The following CAMK4 variants were observed in gnomAD, a reference collection of about 807,000 sequenced individuals.
CAMK4 encodes the protein calcium/calmodulin dependent protein kinase IV.
In CAMK4, 22 loss-of-function variants were observed where a neutral mutation model predicts 44.9. The observed-to-expected ratio is 0.49, with a 90% CI of 0.35 to 0.70. The LOEUF is 0.70. CAMK4 is among the 30% of genes least tolerant of loss of function. CAMK4 has a pLI of 0.01. For missense variants in CAMK4, 498 were observed against 586.8 expected (o/e 0.85, Z 1.56); for synonymous variants, 218 against 215.4 (o/e 1.01, Z -0.11).
At chr5:111,410,757 T>C (rs1223411889) in intron 5 of CAMK4, among the ~76,000 whole-genome samples, 1 of 152,136 alleles carries the variant, frequency 6.6e-6, no homozygotes, top group Admixed American at 6.6e-5. Flanking sequence ...AATGAACAGT[T>C]CTCTGCGATA....
chr5:111,346,883 G>A (rs1177986049), intron 2 of CAMK4, among the ~76,000 whole-genome samples: 1 of 151,752 alleles, frequency 6.6e-6, no homozygotes, highest in Admixed American at 6.6e-5. Context: ...AGAAAGTGAG[G>A]CGTTTATTGC....
At chr5:111,479,689 A>C (rs1755364451) in intron 9 of CAMK4, among the ~76,000 whole-genome samples, 1 of 152,068 alleles carries the variant, frequency 6.6e-6, no homozygotes, top group African/African-American at 2.4e-5. Context: ...TTTTTTCTTC[A>C]AGCATTTCTT....
At chr5:111,328,364 G>A (rs57398792) in intron 1 of CAMK4, among the ~76,000 whole-genome samples, 1,638 of 151,592 alleles carry the variant, frequency 0.011, 16 homozygotes, top group African/African-American at 0.029. Context: ...TGTTCCATTG[G>A]TCTATATCTC....
rs536268505 is a variant in CAMK4, at chr5:111,230,838, T to G, written c.161+6194T>G. Among the ~76,000 whole-genome samples the G allele has an allele frequency of 4.3e-4, 63 of 146,872 alleles. 2 individuals are homozygous for G. The South Asian group carries it at 0.014, about 32-fold the overall frequency. On this transcript the variant is annotated intron_variant, in intron 1 of 10. Transcript: ENST00000282356. ...CTTTTTTTTTAAAAAAAATAAAGGG[T>G]TTTTTAAAAACTCTTTTGGGAAAGC...
intron 1 of CAMK4, among the ~76,000 whole-genome samples, chr5:111,332,473 C>G (rs1383245072): frequency 6.6e-6 from 1 of 151,338 alleles, no homozygotes; most frequent in African/African-American, 2.4e-5. Context: ...TTAATCCAGT[C>G]TATCATTGTT....
chr5:111,384,350 C>G (rs1751522719), intron 4 of CAMK4, among the ~76,000 whole-genome samples: 1 of 152,152 alleles, frequency 6.6e-6, no homozygotes, highest in Non-Finnish European at 1.5e-5. Context: ...TTTCAGCCGT[C>G]TCCCTCTTGA....
intron 1 of CAMK4, among the ~76,000 whole-genome samples, chr5:111,261,042 AG>A (rs775868821): frequency 6.6e-6 from 1 of 152,158 alleles, no homozygotes; most frequent in Non-Finnish European, 1.5e-5. Context: ...TTAATTTTTG[AG>A]GCCCCCATCC....
chr5:111,401,207 T>G (rs529032591), intron 5 of CAMK4, among the ~76,000 whole-genome samples: 1 of 152,100 alleles, frequency 6.6e-6, no homozygotes, highest in African/African-American at 2.4e-5. Flanking sequence ...GGTGTGATCT[T>G]GGCCCACTGC....
chr5:111,454,047 C>T (rs1381688593), intron 7 of CAMK4, among the ~76,000 whole-genome samples: 2 of 152,004 alleles, frequency 1.3e-5, no homozygotes, highest in Non-Finnish European at 1.5e-5. Flanking sequence ...GAGACAGGCT[C>T]TCTGCAACCA....
chr5:111,260,917 A>T (rs1223692623), intron 1 of CAMK4, among the ~76,000 whole-genome samples: 1 of 152,156 alleles, frequency 6.6e-6, no homozygotes, highest in East Asian at 1.9e-4. Flanking sequence ...TATCCTCAAA[A>T]TTACCTTTAT....
In CAMK4 at chr5:111,224,394, C is replaced by T. The variant is rs1748057640; in HGVS notation, c.-90C>T. ...TGAAGGACGCCGCCTCTCTCTCGCT[C>T]CTGCGTTCGCAGGCGGCGGCTGGCG... On this transcript the variant is annotated 5_prime_UTR_variant, in exon 1 of 11. Coordinates refer to ENST00000282356, the MANE Select transcript of CAMK4 (RefSeq NM_001744.6). This position sits in a 1 kb window ranked among gnomAD's most constrained non-coding sequence, Gnocchi z 5.7. 3 of 1,460,362 alleles carry T rather than the reference C, an allele frequency of 2.1e-6. No homozygotes were observed. The highest frequency in any genetic ancestry group is 2.7e-6 in the Non-Finnish European group (3 of 1,110,420). 90.5% of individuals were successfully genotyped at this position (1,460,362 alleles called of 1,614,324 possible). A position where few individuals can be genotyped will look rare whatever the true frequency, so the allele number is the denominator to read the frequency against.
intron 1 of CAMK4, among the ~76,000 whole-genome samples, chr5:111,279,940 T>C (rs1007393971): frequency 4.6e-5 from 7 of 152,220 alleles, no homozygotes; most frequent in East Asian, 1.9e-4. Context: ...TGAGCTTTCA[T>C]TGGGCGAATT....
At chr5:111,405,392 C>T (rs769045350) in intron 5 of CAMK4, among the ~76,000 whole-genome samples, 7 of 152,114 alleles carry the variant, frequency 4.6e-5, no homozygotes, top group South Asian at 2.1e-4. Flanking sequence ...CATTTGAACC[C>T]GGTAGGCAGA....
intron 5 of CAMK4, among the ~76,000 whole-genome samples, chr5:111,406,350 A>G (rs1406042591): frequency 6.6e-6 from 1 of 151,992 alleles, no homozygotes; most frequent in Non-Finnish European, 1.5e-5. Context: ...CAGCCTCCTG[A>G]GTAGCTGGGA....
In CAMK4 at chr5:111,487,973, A is replaced by G. The variant is rs1444539227; in HGVS notation, c.*3507A>G. The G allele has an allele frequency of 6.6e-6, 1 of 152,162 alleles. No individual in the cohort carries two copies. The highest frequency in any genetic ancestry group is 1.9e-4 in the East Asian group (1 of 5,190). 9.4% of individuals were successfully genotyped at this position (152,162 alleles called of 1,614,324 possible). A position where few individuals can be genotyped will look rare whatever the true frequency, so the allele number is the denominator to read the frequency against. On this transcript the variant is annotated 3_prime_UTR_variant, in exon 11 of 11. Transcript: ENST00000282356. ...ATGACTTCAAAGAACGGGCATTACT[A>G]AATTATCTACTGACCAATCCCTCTG...
At chr5:111,273,714 TATATACACAC>T (rs745895654) in intron 1 of CAMK4, among the ~76,000 whole-genome samples, 4,767 of 56,926 alleles carry the variant, frequency 0.084, 506 homozygotes, top group African/African-American at 0.24. Context: ...TATATATATA[TATATACACAC>T]ACATACATAC....
chr5:111,351,640 G>A (rs796539564), intron 2 of CAMK4, among the ~76,000 whole-genome samples: 4 of 151,474 alleles, frequency 2.6e-5, no homozygotes, highest in African/African-American at 9.7e-5. Flanking sequence ...TCGAACTCCT[G>A]ACCTCAGGTG....
upstream of CAMK4, chr5:111,224,213 G>A: frequency 3.2e-6 from 1 of 310,218 alleles, no homozygotes. This position sits in a 1 kb window ranked among gnomAD's most constrained non-coding sequence, Gnocchi z 5.7. Flanking sequence ...GGGAAGGAGC[G>A]AGGGGGAGGG....
intron 2 of CAMK4, among the ~76,000 whole-genome samples, chr5:111,373,763 A>G (rs1194684453): frequency 6.6e-6 from 1 of 152,150 alleles, no homozygotes; most frequent in Non-Finnish European, 1.5e-5. Flanking sequence ...AAAACCATGT[A>G]AACTCTTGCT....
Sources: allele counts gnomAD v4.1 joint callset (sites outside exome capture counted in the v4.1 genomes callset), GRCh38; gene constraint gnomAD v4.1.1; non-coding constraint Gnocchi (gnomAD v3.1); transcripts MANE v1.5; gene names NCBI Gene and HGNC (gene_info 2026-07-23, HGNC 2026-07-21).